RPS6KA2: variants seen among roughly 807,000 people sequenced by gnomAD.
The protein encoded by RPS6KA2 is ribosomal protein S6 kinase A2, also known as ribosomal protein S6 kinase alpha-2.
Under a neutral mutation model 91.8 loss-of-function variants are expected in RPS6KA2, and 42 were observed. That is an observed-to-expected ratio of 0.46 (90% CI 0.36 to 0.59). The LOEUF is 0.59. RPS6KA2 is among the 20% of genes least tolerant of loss of function. RPS6KA2 has a pLI of 0.00. For synonymous variants in RPS6KA2, 414 were observed against 393.6 expected (o/e 1.05, Z -0.61); for missense variants, 798 against 978.5 (o/e 0.82, Z 2.46).
chr6:166,811,434 G>C (rs1428793343), intron 2 of RPS6KA2, among the ~76,000 whole-genome samples: 1 of 152,158 alleles, frequency 6.6e-6, no homozygotes, highest in Non-Finnish European at 1.5e-5. Flanking sequence ...CTACATGCCT[G>C]GGCAACATAG....
rs952369875 is a variant in RPS6KA2, at chr6:166,825,392, G to T, written c.123+32808C>A. On this transcript the variant is annotated intron_variant, in intron 2 of 21. Coordinates refer to the RPS6KA2 transcript ENST00000503859. The surrounding 1 kb of genome is among the most constrained non-coding windows in gnomAD (Gnocchi z 4.1). ...CGCCTGGAGTTGAGGAAGAACTCGG[G>T]CTTAGGGGAAGAAATGGAGTTTAGG... Among the ~76,000 whole-genome samples the T allele has an allele frequency of 6.6e-6, 1 of 152,232 alleles. No individual in the cohort carries two copies. Among genetic ancestry groups the T allele is most frequent in the African/African-American group, 2.4e-5 (1 of 41,462 alleles).
intron 2 of RPS6KA2, among the ~76,000 whole-genome samples, chr6:166,755,458 C>T (rs1369830047): frequency 6.6e-6 from 1 of 152,094 alleles, no homozygotes; most frequent in Non-Finnish European, 1.5e-5. Flanking sequence ...TGTTTACCTA[C>T]ACAACTGGGG....
chr6:166,821,204 C>G lies in RPS6KA2; in HGVS notation c.123+36996G>C, dbSNP rs763917996. 6.6e-6 allele frequency among the ~76,000 whole-genome samples: 1 copy of G among 152,104 alleles called. No individual in the cohort carries two copies. The highest frequency in any genetic ancestry group is 1.5e-5 in the Non-Finnish European group (1 of 68,018). Reference sequence around the variant, plus strand: ...ATCTAGCAAATTTGAAGTGTTATTTCGAATTGCTTAGTGGCTTTATTTTTA... The same window carrying G: ...ATCTAGCAAATTTGAAGTGTTATTTGGAATTGCTTAGTGGCTTTATTTTTA... On this transcript the variant is annotated intron_variant, in intron 2 of 21. Coordinates refer to the RPS6KA2 transcript ENST00000503859. The surrounding 1 kb of genome is among the most constrained non-coding windows in gnomAD (Gnocchi z 4.1).
At chr6:166,768,387 A>G (rs1436108871) in intron 2 of RPS6KA2, among the ~76,000 whole-genome samples, 1 of 152,238 alleles carries the variant, frequency 6.6e-6, no homozygotes, top group African/African-American at 2.4e-5. Flanking sequence ...TGCAGGACTT[A>G]TTAGGCAAAA....
intron 20 of RPS6KA2, among the ~76,000 whole-genome samples, chr6:166,413,260 A>T (rs1485160007): frequency 1.3e-5 from 2 of 152,182 alleles, no homozygotes; most frequent in Non-Finnish European, 2.9e-5. Context: ...GACACAGCGA[A>T]TGCCAGGGCC....
chr6:166,594,625 G>C (rs543977308), intron 1 of RPS6KA2, among the ~76,000 whole-genome samples: 1 of 152,264 alleles, frequency 6.6e-6, no homozygotes, highest in Non-Finnish European at 1.5e-5. Context: ...ACGATGCCCA[G>C]CTAATTTTTT....
chr6:166,703,624 C>A (rs1389438099), intron 2 of RPS6KA2, among the ~76,000 whole-genome samples: 1 of 152,116 alleles, frequency 6.6e-6, no homozygotes, highest in Non-Finnish European at 1.5e-5. Context: ...ATCTTTTTTT[C>A]TTCTGAAGTC....
chr6:166,625,543 A>C (rs1786840794), intron 1 of RPS6KA2, among the ~76,000 whole-genome samples: 1 of 152,116 alleles, frequency 6.6e-6, no homozygotes, highest in Non-Finnish European at 1.5e-5. Context: ...AAAGACAGTA[A>C]ATGGAAGGAG....
At chr6:166,616,407 C>A (rs2128537060) in intron 1 of RPS6KA2, among the ~76,000 whole-genome samples, 1 of 152,334 alleles carries the variant, frequency 6.6e-6, no homozygotes, top group East Asian at 1.9e-4. Context: ...CTAACGGGAC[C>A]CGCCCTGCTC....
At chr6:166,793,589 C>T (rs1350890192) in intron 2 of RPS6KA2, among the ~76,000 whole-genome samples, 1 of 150,904 alleles carries the variant, frequency 6.6e-6, no homozygotes, top group Non-Finnish European at 1.5e-5. Context: ...CATCACGTTA[C>T]CTGACTTCAA....
rs1337929737 is a variant in RPS6KA2 at position 166,498,540 on chromosome 6, T to A, written c.715A>T (p.Ser239Cys). The change falls in exon 8 of 21, where the codon AGT (serine) becomes TGT (cysteine). Residue 239 changes from serine to cysteine, a missense_variant. By Grantham distance (112) the Ser-to-Cys change is moderately radical (BLOSUM62 -1). Transcript: ENST00000265678. ...ACGCCGAAGGACCACCAGTCGGCAC[T>A]CTGCGTGTGTCCTCGCCGGTTCACC... ...EVVNRRGHTQ[S>C]ADWWSFGVLM... 1.2e-6 allele frequency: 2 copies of A among 1,613,162 alleles called. No individual in the cohort carries two copies. Among genetic ancestry groups the A allele is most frequent in the Non-Finnish European group, 1.7e-6 (2 of 1,179,840 alleles).
At chr6:166,524,381 C>A (rs1782955459) in intron 3 of RPS6KA2, among the ~76,000 whole-genome samples, 1 of 152,156 alleles carries the variant, frequency 6.6e-6, no homozygotes, top group Admixed American at 6.5e-5. Context: ...CGGAGAGCGC[C>A]TACCGAGACG....
At chr6:166,652,561 C>T (rs145485431) in intron 2 of RPS6KA2, among the ~76,000 whole-genome samples, 4 of 152,164 alleles carry the variant, frequency 2.6e-5, no homozygotes, top group African/African-American at 9.6e-5. Context: ...CCTATTTTTG[C>T]CCGTATTGAT....
chr6:166,744,406 A>G (rs1290092872), intron 2 of RPS6KA2, among the ~76,000 whole-genome samples: 1 of 152,162 alleles, frequency 6.6e-6, no homozygotes, highest in Non-Finnish European at 1.5e-5. Context: ...TCGGAGGGGA[A>G]TGGGAGCGTT....
intron 2 of RPS6KA2, among the ~76,000 whole-genome samples, chr6:166,771,295 C>T (rs912794921): frequency 7.9e-5 from 12 of 152,210 alleles, no homozygotes; most frequent in Non-Finnish European, 1.6e-4. Context: ...TGACTCTAAA[C>T]TCTAGTCTAT....
upstream of RPS6KA2, chr6:166,627,552 C>A (rs553894603): frequency 6.5e-5 from 10 of 152,900 alleles, no homozygotes; most frequent in South Asian, 9.9e-4. Context: ...GAACCAGCTC[C>A]GTGCAGCCCC....
In RPS6KA2 at chr6:166,825,947, G is replaced by A. The variant is rs118084559; in HGVS notation, c.123+32253C>T. ...TGTCATCTGAGCTCCTGCCTTTCAC[G>A]TCAACATTTGTGAGTAGAAAGTAAA... On this transcript the variant is annotated intron_variant, in intron 2 of 21. Coordinates refer to the RPS6KA2 transcript ENST00000503859. This position sits in a 1 kb window ranked among gnomAD's most constrained non-coding sequence, Gnocchi z 4.1. 1.2e-4 allele frequency among the ~76,000 whole-genome samples: 19 copies of A among 152,244 alleles called. No individual in the cohort carries two copies. In the East Asian group the frequency reaches 2.5e-3, roughly 20 times the overall value.
chr6:166,800,849 C>A (rs1779349151), intron 2 of RPS6KA2, among the ~76,000 whole-genome samples: 1 of 152,152 alleles, frequency 6.6e-6, no homozygotes, highest in South Asian at 2.1e-4. Context: ...GAAATATATG[C>A]CTTTGGTTTT....
intron 2 of RPS6KA2, among the ~76,000 whole-genome samples, chr6:166,808,027 A>T (rs1168661807): frequency 6.6e-6 from 1 of 151,082 alleles, no homozygotes; most frequent in Non-Finnish European, 1.5e-5. Flanking sequence ...TGCATGAGGC[A>T]GCCCTGGGAG....
Sources: gnomAD v4.1 joint callset for allele counts (sites outside exome capture counted in the v4.1 genomes callset) on GRCh38, gnomAD v4.1.1 for gene constraint, Gnocchi (gnomAD v3.1) non-coding constraint, MANE v1.5 for transcripts, NCBI Gene and HGNC (gene_info 2026-07-23, HGNC 2026-07-21) for gene names.